ABCA13: variants seen among roughly 807,000 people sequenced by gnomAD.
ABCA13 encodes the protein ATP-binding cassette sub-family A member 13.
In ABCA13, 476 loss-of-function variants were observed where a neutral mutation model predicts 478.7. The ratio of observed to expected loss-of-function variants is 0.99; its 90% CI spans 0.92 to 1.07. The LOEUF is 1.07. Ranked by LOEUF, ABCA13 falls within the 50% of genes least tolerant of loss-of-function variation. The pLI is 0.00. For synonymous variants in ABCA13, 2,252 were observed against 2,158.9 expected, an observed-to-expected ratio of 1.04 and a Z score of -1.20; for missense variants, 6,060 against 5,910.6, an observed-to-expected ratio of 1.03 and a Z score of -0.83.
chr7:48,559,253 C>G (rs958843486), intron 55 of ABCA13, among the ~76,000 whole-genome samples: 1 of 152,120 alleles, frequency 6.6e-6, no homozygotes, highest in Non-Finnish European at 1.5e-5. Flanking sequence ...AAGTCAGAAT[C>G]CTTCCCTCCT....
chr7:48,502,564 A>G (rs1173177030), intron 48 of ABCA13, among the ~76,000 whole-genome samples: 3 of 152,134 alleles, frequency 2.0e-5, no homozygotes, highest in Admixed American at 2.0e-4. Context: ...TATCCTTCCC[A>G]CTGTATGGCT....
intron 31 of ABCA13, among the ~76,000 whole-genome samples, chr7:48,366,643 A>G (rs973384364): frequency 5.3e-5 from 8 of 152,022 alleles, no homozygotes; most frequent in African/African-American, 1.9e-4. Flanking sequence ...CGCTCCATAC[A>G]TGAGAGGCAA....
intron 9 of ABCA13, among the ~76,000 whole-genome samples, chr7:48,240,483 A>C (rs1790665861): frequency 6.6e-6 from 1 of 152,270 alleles, no homozygotes; most frequent in African/African-American, 2.4e-5. Flanking sequence ...AATGACACTT[A>C]GTAACCATGT....
chr7:48,483,273 AT>A (rs1310595428), intron 47 of ABCA13, 110 bp downstream of exon 47: 47 of 901,982 alleles, frequency 5.2e-5, no homozygotes, highest in Non-Finnish European at 7.1e-5. Context: ...AAATCCAATC[AT>A]TTGTTACTAA....
At position 48,481,071 on chromosome 7, in the gene ABCA13, GACCA is replaced by G. The variant is rs1213358924; in HGVS notation, c.13016_13019del (p.Asn4339ThrfsTer7). The G allele has an allele frequency of 4.4e-6, 7 of 1,602,616 alleles. No individual in the cohort carries two copies. Among genetic ancestry groups the G allele is most frequent in the Non-Finnish European group, 6.0e-6 (7 of 1,174,448 alleles). On this transcript the variant is annotated frameshift_variant, in exon 46 of 62. Transcript: ENST00000435803. LOFTEE classifies it high-confidence loss of function. ...ATAGAAGTGCTAGTGCTCCCTACCT[GACCA>G]ACCACCTGGGCCACACACTGTTGAA... is the stretch of plus-strand genomic sequence containing the variant.
intron 53 of ABCA13, among the ~76,000 whole-genome samples, chr7:48,522,313 T>C (rs1261033589): frequency 1.3e-5 from 2 of 152,146 alleles, no homozygotes; most frequent in African/African-American, 4.8e-5. Flanking sequence ...TTCCCTAACC[T>C]GCGCTGACTC....
In ABCA13 at chr7:48,389,029, C is replaced by T. The variant is rs1247196847; in HGVS notation, c.11474-11C>T. The stretch of plus-strand genomic sequence containing the variant: ...AAGTCTTTTCACAATGAATTTTCAT[C>T]TCTCTCACAGGGTCATCACTGCAAA... On this transcript the variant is annotated splice_polypyrimidine_tract_variant and intron_variant, in intron 36 of 61. Transcript: ENST00000435803. The T allele has an allele frequency of 1.2e-6, 2 of 1,605,468 alleles. No individual in the cohort carries two copies. Among genetic ancestry groups the T allele is most frequent in the African/African-American group, 1.3e-5 (1 of 74,502 alleles).
At chr7:48,305,929 G>A (rs770407921) in intron 23 of ABCA13, among the ~76,000 whole-genome samples, 3 of 152,166 alleles carry the variant, frequency 2.0e-5, no homozygotes, top group Non-Finnish European at 4.4e-5. Flanking sequence ...ATAATTTGCA[G>A]CATTAGCCTA....
chr7:48,362,230 T>A (rs1274682922), intron 31 of ABCA13, among the ~76,000 whole-genome samples: 1 of 150,392 alleles, frequency 6.6e-6, no homozygotes, highest in Non-Finnish European at 1.5e-5. Flanking sequence ...CCTTATTACT[T>A]GGTTGTCCTT....
chr7:48,235,881 T>C (rs57146458), intron 8 of ABCA13, among the ~76,000 whole-genome samples: 3,506 of 152,244 alleles, frequency 0.023, 140 homozygotes, highest in African/African-American at 0.08. Flanking sequence ...TTACATGAGA[T>C]AATAAATACT....
At chr7:48,319,448 G>C (rs1248862039) in intron 27 of ABCA13, among the ~76,000 whole-genome samples, 2 of 152,178 alleles carry the variant, frequency 1.3e-5, no homozygotes, top group Non-Finnish European at 2.9e-5. Context: ...CTAGTCATTA[G>C]ACTCATGGTC....
intron 15 of ABCA13, among the ~76,000 whole-genome samples, chr7:48,250,148 G>A (rs988764577): frequency 5.3e-5 from 8 of 152,190 alleles, no homozygotes; most frequent in Non-Finnish European, 5.9e-5. Context: ...TTTAGGAACA[G>A]TAGATGGAAG....
At chr7:48,223,087 G>C (rs1787608927) in intron 5 of ABCA13, among the ~76,000 whole-genome samples, 1 of 152,124 alleles carries the variant, frequency 6.6e-6, no homozygotes, top group Non-Finnish European at 1.5e-5. Flanking sequence ...AGAAAGAGAA[G>C]AATCAAAGAT....
chr7:48,204,670 A>G (rs1784702477), intron 3 of ABCA13, among the ~76,000 whole-genome samples: 2 of 152,080 alleles, frequency 1.3e-5, no homozygotes, highest in South Asian at 2.1e-4. Flanking sequence ...CTTCCACCGC[A>G]TGGTCGGCCT....
In ABCA13 at chr7:48,357,065, G is replaced by A. The variant is rs1323021323; in HGVS notation, c.10688+4578G>A. On this transcript the variant is annotated intron_variant, in intron 31 of 61. Coordinates refer to ENST00000435803, the MANE Select transcript of ABCA13 (RefSeq NM_152701.5). ...AATGGAGCGTGCTGGGTCAGGCTGA[G>A]TGATGGCTCCCGTGAGGCGTTGCAT... Among the ~76,000 whole-genome samples, 3 of 151,910 alleles carry A rather than the reference G, an allele frequency of 2.0e-5. No homozygotes were observed. In the East Asian group the frequency reaches 5.8e-4, roughly 29 times the overall value.
intron 59 of ABCA13, among the ~76,000 whole-genome samples, chr7:48,640,146 T>A (rs978045076): frequency 6.6e-6 from 1 of 152,360 alleles, no homozygotes; most frequent in African/African-American, 2.4e-5. Context: ...TTTCTCTTCA[T>A]TAAATATTAT....
intron 10 of ABCA13, 36 bp downstream of exon 10, chr7:48,241,102 T>C: frequency 6.2e-7 from 1 of 1,607,616 alleles, no homozygotes; most frequent in East Asian, 2.2e-5. Flanking sequence ...ATTGATTAGG[T>C]AGATGACACA....
At chr7:48,417,889 A>G (rs6943378) in intron 41 of ABCA13, among the ~76,000 whole-genome samples, 38,069 of 152,096 alleles carry the variant, frequency 0.25, 5,169 homozygotes, top group African/African-American at 0.35. Context: ...CTGTCATCGT[A>G]GTTTTACCTT....
chr7:48,597,743 T>G (rs1790446146), intron 58 of ABCA13, among the ~76,000 whole-genome samples: 1 of 152,202 alleles, frequency 6.6e-6, no homozygotes, highest in Non-Finnish European at 1.5e-5. Flanking sequence ...TTTAGTGAAA[T>G]TTTTATTCCA....
Sources: gnomAD v4.1 joint callset for allele counts (sites outside exome capture counted in the v4.1 genomes callset) on GRCh38, gnomAD v4.1.1 for gene constraint, MANE v1.5 for transcripts, NCBI Gene and HGNC (gene_info 2026-07-23, HGNC 2026-07-21) for gene names.